Variants in ENTPD1 observed in about 807,000 individuals in gnomAD.
The protein encoded by ENTPD1 is ectonucleoside triphosphate diphosphohydrolase 1, also known as ATP diphosphohydrolase.
In ENTPD1, 33 loss-of-function variants were observed where a neutral mutation model predicts 57.0. The ratio of observed to expected loss-of-function variants is 0.58; its 90% CI spans 0.44 to 0.77. The LOEUF is 0.77. ENTPD1 is among the 30% of genes least tolerant of loss of function. The probability of loss-of-function intolerance (pLI) is 0.00; values close to 1 mark genes in which losing one functional copy is unlikely to be tolerated. For synonymous variants in ENTPD1, 202 were observed against 218.8 expected (o/e 0.92, Z 0.68); for missense variants, 501 against 603.4 (o/e 0.83, Z 1.78).
At chr10:95,839,184 T>C (rs987531393) in intron 2 of ENTPD1, 1 of 165,884 alleles carries the variant, frequency 6.0e-6, no homozygotes, top group African/African-American at 2.4e-5. Context: ...ATTAGAATCA[T>C]GTGGGACCTT....
intron 2 of ENTPD1, among the ~76,000 whole-genome samples, chr10:95,828,390 G>A (rs1405459295): frequency 6.6e-6 from 1 of 152,142 alleles, no homozygotes; most frequent in Non-Finnish European, 1.5e-5. Context: ...ATGGTGAGTT[G>A]TGTAATTATT....
intron 1 of ENTPD1, among the ~76,000 whole-genome samples, chr10:95,768,025 C>T (rs2098097158): frequency 1.3e-5 from 2 of 152,242 alleles, no homozygotes; most frequent in Admixed American, 1.3e-4. Flanking sequence ...TGGGATGACA[C>T]AGCAAGAAGG....
chr10:95,848,287 G>C (rs912515336), intron 7 of ENTPD1, among the ~76,000 whole-genome samples: 6 of 152,146 alleles, frequency 3.9e-5, no homozygotes, highest in Non-Finnish European at 7.4e-5. Flanking sequence ...ACAAAGACAG[G>C]TTTCCTGCTA....
chr10:95,773,582 AT>A (rs929017835), intron 1 of ENTPD1, among the ~76,000 whole-genome samples: 19 of 152,272 alleles, frequency 1.2e-4, no homozygotes, highest in African/African-American at 4.6e-4. Context: ...AGAATGGTCA[AT>A]TAATAATGGC....
upstream of ENTPD1, chr10:95,755,750 T>G (rs1408112648): frequency 6.5e-7 from 1 of 1,537,088 alleles, no homozygotes; most frequent in Admixed American, 2.0e-5. Flanking sequence ...CTTTCAGTTT[T>G]TCGAGCGGGT....
chr10:95,813,687 G>A (rs2098317775), intron 1 of ENTPD1, among the ~76,000 whole-genome samples: 1 of 152,194 alleles, frequency 6.6e-6, no homozygotes, highest in Non-Finnish European at 1.5e-5. Flanking sequence ...TTGGCCAAAA[G>A]ATGGTCTGGT....
upstream of ENTPD1, among the ~76,000 whole-genome samples, chr10:95,709,360 TA>T (rs2097963772): frequency 7.2e-6 from 1 of 137,950 alleles, no homozygotes. Context: ...CTCTTTTCCT[TA>T]TTTTTTTTTT....
chr10:95,741,048 T>A (rs1408631386), intron 1 of ENTPD1, among the ~76,000 whole-genome samples: 2 of 152,226 alleles, frequency 1.3e-5, no homozygotes, highest in East Asian at 1.9e-4. Context: ...TTACTTTTTT[T>A]AAAGAAATTT....
At chr10:95,794,258 A>G (rs1445155994) in intron 1 of ENTPD1, among the ~76,000 whole-genome samples, 1 of 152,114 alleles carries the variant, frequency 6.6e-6, no homozygotes, top group African/African-American at 2.4e-5. Context: ...TGTGAAAAAA[A>G]AAGTCATATG....
the ENTPD1 span, among the ~76,000 whole-genome samples, chr10:95,695,883 T>G: frequency 7.9e-5 from 12 of 152,220 alleles, no homozygotes. Context: ...AGGAATATTT[T>G]TAGTTTATTT....
intron 1 of ENTPD1, among the ~76,000 whole-genome samples, chr10:95,740,326 T>C (rs1287923290): frequency 2.0e-5 from 3 of 152,186 alleles, no homozygotes; most frequent in Non-Finnish European, 4.4e-5. Context: ...GGTTTTACCA[T>C]GTTGGCCAGG....
intron 1 of ENTPD1, among the ~76,000 whole-genome samples, chr10:95,734,217 A>C (rs1384021593): frequency 1.3e-5 from 2 of 152,220 alleles, no homozygotes; most frequent in Admixed American, 1.3e-4. Context: ...CTATAGATGC[A>C]CTTTCCCCAG....
intron 1 of ENTPD1, among the ~76,000 whole-genome samples, chr10:95,804,336 A>C (rs1159563247): frequency 6.6e-6 from 1 of 152,176 alleles, no homozygotes; most frequent in Non-Finnish European, 1.5e-5. Context: ...ATGCTCTTCC[A>C]TTTGTTTGTG....
intron 1 of ENTPD1, among the ~76,000 whole-genome samples, chr10:95,715,583 T>C (rs1047271710): frequency 6.6e-6 from 1 of 152,216 alleles, no homozygotes; most frequent in African/African-American, 2.4e-5. Flanking sequence ...TCTATTTTGC[T>C]ATTTCCTTTC....
rs975816844 is a variant in ENTPD1, at chr10:95,872,416, A to C, written c.*6033A>C. On this transcript the variant is annotated 3_prime_UTR_variant, in exon 10 of 10. Transcript: ENST00000371205. ...TACTACACTACAGCCAGGTAGAATG[A>C]CTGTTCACCCAACACCACTCAGGTT... 8 of 985,320 alleles carry C rather than the reference A, an allele frequency of 8.1e-6. No individual in the cohort carries two copies. The highest frequency in any genetic ancestry group is 1.2e-4 in the Admixed American group (2 of 16,256). 61.0% of individuals were successfully genotyped at this position (985,320 alleles called of 1,614,324 possible).
intron 1 of ENTPD1, among the ~76,000 whole-genome samples, chr10:95,804,161 G>C (rs1354527068): frequency 6.6e-6 from 1 of 152,180 alleles, no homozygotes; most frequent in Non-Finnish European, 1.5e-5. Context: ...TGTTCTTCTT[G>C]CTTAGGATTG....
intron 1 of ENTPD1, among the ~76,000 whole-genome samples, chr10:95,805,767 T>C (rs934818852): frequency 2.6e-5 from 4 of 152,232 alleles, no homozygotes; most frequent in Admixed American, 1.3e-4. Flanking sequence ...TTTGGCTGGA[T>C]AGGAAATTCT....
chr10:95,872,323 G>A lies in ENTPD1; in HGVS notation c.*5940G>A, dbSNP rs1016267553. On this transcript the variant is annotated 3_prime_UTR_variant, in exon 10 of 10. Transcript: ENST00000371205. ...CATTCAAGGCTTTCAATGATCCATG[G>A]CCGCCAGCTCTCTCCAGGCTCATAT... 5 of 985,166 alleles carry A rather than the reference G, an allele frequency of 5.1e-6. No individual in the cohort carries two copies. The African/African-American group carries it at 8.7e-5, about 17-fold the overall frequency. 61.0% of individuals were successfully genotyped at this position (985,166 alleles called of 1,614,324 possible).
chr10:95,854,776 G>A (rs1342905217), intron 7 of ENTPD1, among the ~76,000 whole-genome samples: 1 of 152,184 alleles, frequency 6.6e-6, no homozygotes, highest in African/African-American at 2.4e-5. Flanking sequence ...GTTCTAGTTT[G>A]ATTGCACTGT....
Sources: gnomAD v4.1 joint callset for allele counts (sites outside exome capture counted in the v4.1 genomes callset) on GRCh38, gnomAD v4.1.1 for gene constraint, MANE v1.5 for transcripts, NCBI Gene and HGNC (gene_info 2026-07-23, HGNC 2026-07-21) for gene names.